SGCZ: variants seen among roughly 807,000 people sequenced by gnomAD.
SGCZ encodes sarcoglycan zeta.
Under a neutral mutation model 41.3 loss-of-function variants are expected in SGCZ, and 40 were observed. The observed-to-expected ratio is 0.97, with a 90% CI of 0.75 to 1.26. The LOEUF is 1.26. Among genes scored for constraint, SGCZ ranks in the 50% most tolerant of loss-of-function variants. The pLI, the probability that SGCZ is intolerant of heterozygous loss-of-function variation, is 0.00. For synonymous variants in SGCZ, 206 were observed against 137.5 expected (o/e 1.50, Z -3.49); for missense variants, 552 against 369.8 (o/e 1.49, Z -4.04).
intron 1 of SGCZ, among the ~76,000 whole-genome samples, chr8:14,888,401 G>A (rs73666916): frequency 0.023 from 3,542 of 152,156 alleles, 139 homozygotes; most frequent in African/African-American, 0.081. Context: ...TAACCCTCTT[G>A]CACTTGAACC....
At chr8:14,663,674 C>G (rs905077575) in intron 1 of SGCZ, among the ~76,000 whole-genome samples, 1 of 152,134 alleles carries the variant, frequency 6.6e-6, no homozygotes, top group Non-Finnish European at 1.5e-5. Context: ...ATTTTTTTCA[C>G]AGGCTTATAG....
intron 2 of SGCZ, among the ~76,000 whole-genome samples, chr8:14,517,446 G>A (rs2126326): frequency 1 from 152,113 of 152,192 alleles, 76,017 homozygotes; most frequent in Non-Finnish European, 1. Flanking sequence ...GAAACTTTGT[G>A]AACCTAGAAT....
intron 2 of SGCZ, among the ~76,000 whole-genome samples, chr8:14,521,322 T>C (rs113260820): frequency 7.2e-5 from 11 of 152,232 alleles, no homozygotes; most frequent in African/African-American, 2.2e-4. Flanking sequence ...CTTCGGGGAA[T>C]TGGATTTTTT....
chr8:14,359,916 C>T (rs574927272), intron 2 of SGCZ, among the ~76,000 whole-genome samples: 7 of 152,104 alleles, frequency 4.6e-5, no homozygotes, highest in Non-Finnish European at 1.0e-4. Flanking sequence ...GATCATTCAT[C>T]ATGACCCATT....
At position 14,370,211 on chromosome 8, in the gene SGCZ, C is replaced by T. The variant is rs1370496170; in HGVS notation, c.235-46007G>A. Among the ~76,000 whole-genome samples the T allele has an allele frequency of 6.6e-5, 10 of 152,044 alleles. No individual in the cohort carries two copies. In the East Asian group the frequency reaches 1.9e-3, roughly 29 times the overall value. On this transcript the variant is annotated intron_variant, in intron 2 of 7. Coordinates refer to ENST00000382080, the MANE Select transcript of SGCZ (RefSeq NM_139167.4). ...AATTGGTATAGCAATACAAACTTCTCAGTTCTCTGTAAGTTAAAAGAATAA... is the reference window on the plus strand; with the variant it reads ...AATTGGTATAGCAATACAAACTTCTTAGTTCTCTGTAAGTTAAAAGAATAA...
chr8:14,926,939 G>A (rs111305833), intron 1 of SGCZ, among the ~76,000 whole-genome samples: 18,542 of 150,720 alleles, frequency 0.12, 1,292 homozygotes, highest in African/African-American at 0.19. Flanking sequence ...ACACCTGGCC[G>A]ACACTTTGAT....
intron 3 of SGCZ, among the ~76,000 whole-genome samples, chr8:14,320,324 C>T (rs1469136599): frequency 6.6e-6 from 1 of 151,636 alleles, no homozygotes; most frequent in African/African-American, 2.4e-5. Flanking sequence ...CCTAAATAGA[C>T]CAGATTTGCC....
intron 1 of SGCZ, 68 bp from the exon 2 acceptor site, chr8:14,554,994 T>C: frequency 5.7e-6 from 8 of 1,394,046 alleles, no homozygotes; most frequent in Non-Finnish European, 7.7e-6. Flanking sequence ...AATAAACCCA[T>C]GATTTTTTTG....
intron 1 of SGCZ, among the ~76,000 whole-genome samples, chr8:14,807,659 G>A (rs1801587527): frequency 6.6e-6 from 1 of 151,658 alleles, no homozygotes; most frequent in Non-Finnish European, 1.5e-5. Context: ...TACTGCCCAA[G>A]GTAATTTACA....
intron 1 of SGCZ, among the ~76,000 whole-genome samples, chr8:15,229,177 G>T (rs969903503): frequency 1.3e-5 from 2 of 151,920 alleles, no homozygotes; most frequent in African/African-American, 4.8e-5. Flanking sequence ...GGACAACAGA[G>T]CAAGACTCCG....
chr8:14,284,518 A>G (rs1335044286), intron 3 of SGCZ, among the ~76,000 whole-genome samples: 1 of 152,172 alleles, frequency 6.6e-6, no homozygotes, highest in African/African-American at 2.4e-5. Flanking sequence ...TTAGATTTAA[A>G]CTTTTTATTC....
At chr8:14,663,287 T>G (rs913561581) in intron 1 of SGCZ, among the ~76,000 whole-genome samples, 1 of 152,210 alleles carries the variant, frequency 6.6e-6, no homozygotes, top group South Asian at 2.1e-4. Context: ...TAGCATCCCA[T>G]AATAAATGCT....
At chr8:14,603,898 T>A (rs1251498528) in intron 1 of SGCZ, among the ~76,000 whole-genome samples, 1 of 152,132 alleles carries the variant, frequency 6.6e-6, no homozygotes, top group Admixed American at 6.6e-5. Flanking sequence ...ATGATGAAAT[T>A]ATTTAGTTAT....
chr8:14,724,142 T>C (rs539267038), intron 1 of SGCZ, among the ~76,000 whole-genome samples: 2 of 152,272 alleles, frequency 1.3e-5, no homozygotes, highest in African/African-American at 4.8e-5. Context: ...TTAGTAATCA[T>C]TCCAAGTCTA....
intron 2 of SGCZ, among the ~76,000 whole-genome samples, chr8:14,502,097 T>C (rs1802172592): frequency 6.6e-6 from 1 of 152,144 alleles, no homozygotes; most frequent in Non-Finnish European, 1.5e-5. Context: ...TTTACAATTC[T>C]TTGCCTTCAA....
At chr8:14,706,989 T>C (rs1585197841) in intron 1 of SGCZ, among the ~76,000 whole-genome samples, 1 of 151,840 alleles carries the variant, frequency 6.6e-6, no homozygotes, top group Admixed American at 6.6e-5. Flanking sequence ...TTCTTTTTTT[T>C]TTTTTTAAGA....
intron 1 of SGCZ, among the ~76,000 whole-genome samples, chr8:14,852,341 T>G (rs1803359539): frequency 6.6e-6 from 1 of 152,178 alleles, no homozygotes; most frequent in Non-Finnish European, 1.5e-5. Flanking sequence ...TGTAAATAAT[T>G]TATAGGACAA....
intron 2 of SGCZ, among the ~76,000 whole-genome samples, chr8:14,450,322 CG>C (rs35864717): frequency 0.21 from 31,893 of 152,154 alleles, 4,065 homozygotes; most frequent in Non-Finnish European, 0.29. Flanking sequence ...GCAAGTATTG[CG>C]GTATGCATAT....
chr8:14,732,561 C>G (rs972461840), intron 1 of SGCZ, among the ~76,000 whole-genome samples: 1 of 148,148 alleles, frequency 6.8e-6, no homozygotes, highest in Non-Finnish European at 1.5e-5. Context: ...GAATGCTAAG[C>G]CCCTCACACT....
Sources: gnomAD v4.1 joint callset for allele counts (sites outside exome capture counted in the v4.1 genomes callset) on GRCh38, gnomAD v4.1.1 for gene constraint, MANE v1.5 for transcripts, NCBI Gene and HGNC (gene_info 2026-07-23, HGNC 2026-07-21) for gene names.